Variants in RFX3 observed in about 807,000 individuals in gnomAD.
The protein encoded by RFX3 is transcription factor RFX3.
RFX3 carries 14 observed loss-of-function variants against 98.6 expected under a neutral mutation model. The observed-to-expected ratio is 0.14, with a 90% CI of 0.09 to 0.22. RFX3 has a LOEUF of 0.22. RFX3 is among the 10% of genes least tolerant of loss of function. The pLI, the probability that RFX3 is intolerant of heterozygous loss-of-function variation, is 1.00. For missense variants in RFX3, 639 were observed against 926.9 expected, an observed-to-expected ratio of 0.69 and a Z score of 4.03; for synonymous variants, 383 against 328.4, an observed-to-expected ratio of 1.17 and a Z score of -1.80.
chr9:3,330,347 CTGA>C lies in RFX3; in HGVS notation c.383_385del (p.Ile128del). ...GATCAGATAGGTTCCTCCAGAGCTGCTGATGAGTTGTCCTCCTGTGACGCCCAT... is the reference window on the plus strand; with the variant it reads ...GATCAGATAGGTTCCTCCAGAGCTGCTGAGTTGTCCTCCTGTGACGCCCAT... On this transcript the variant is annotated inframe_deletion, in exon 4 of 17. Coordinates refer to ENST00000617270, the MANE Select transcript of RFX3 (RefSeq NM_001282116.2). The C allele has an allele frequency of 6.2e-7, 1 of 1,614,166 alleles. No homozygotes were observed. The highest frequency in any genetic ancestry group is 8.5e-7 in the Non-Finnish European group (1 of 1,180,034).
chr9:3,411,706 G>A (rs945068101), intron 1 of RFX3, among the ~76,000 whole-genome samples: 2 of 151,580 alleles, frequency 1.3e-5, no homozygotes, highest in African/African-American at 4.8e-5. Flanking sequence ...GGCCAGGCTG[G>A]TCTAGAACTC....
rs1372297310 is a variant in RFX3 at position 3,343,314 on chromosome 9, T to C, written c.215+3353A>G. Among the ~76,000 whole-genome samples, 4 of 152,298 alleles carry C rather than the reference T, an allele frequency of 2.6e-5. No individual in the cohort carries two copies. In the East Asian group the frequency reaches 7.7e-4, roughly 29 times the overall value. ...GATAAAGATCAGAGTCCCTATCTTC[T>C]GGAAGTATCATTAGCAAAAAGCATT... On this transcript the variant is annotated intron_variant, in intron 3 of 16. Coordinates refer to ENST00000617270, the MANE Select transcript of RFX3 (RefSeq NM_001282116.2).
rs551541566 is a variant in RFX3 at position 3,515,120 on chromosome 9, T to C, written c.-9+10627A>G. On this transcript the variant is annotated intron_variant, in intron 1 of 16. Transcript: ENST00000617270. ...GCAAAAACATATATCCACAAAACCA[T>C]TTATCCAAAGCAAAACATAAAGAGG... Among the ~76,000 whole-genome samples, 20 of 152,260 alleles carry C rather than the reference T, an allele frequency of 1.3e-4. No individual in the cohort carries two copies. The South Asian group carries it at 4.1e-3, about 32-fold the overall frequency.
At chr9:3,487,969 A>G (rs1850412479) in intron 1 of RFX3, among the ~76,000 whole-genome samples, 1 of 152,160 alleles carries the variant, frequency 6.6e-6, no homozygotes, top group South Asian at 2.1e-4. Flanking sequence ...CACACAAAAG[A>G]GCTTTGTAAA....
At chr9:3,228,008 T>C (rs1441667536) in intron 16 of RFX3, among the ~76,000 whole-genome samples, 1 of 152,200 alleles carries the variant, frequency 6.6e-6, no homozygotes, top group Non-Finnish European at 1.5e-5. Context: ...GTGCATTTTG[T>C]ACCTGTCGCC....
At chr9:3,279,080 T>A (rs928209764) in intron 7 of RFX3, among the ~76,000 whole-genome samples, 1 of 149,040 alleles carries the variant, frequency 6.7e-6, no homozygotes, top group Non-Finnish European at 1.5e-5. Context: ...TTTTTCTGAT[T>A]TTTTTTTCCT....
chr9:3,522,942 A>C (rs1587931533), intron 1 of RFX3, among the ~76,000 whole-genome samples: 1 of 152,316 alleles, frequency 6.6e-6, no homozygotes, highest in Admixed American at 6.5e-5. Flanking sequence ...TTATTTGAGT[A>C]CCAAAGCAGA....
chr9:3,320,685 T>A (rs528859860), intron 4 of RFX3, among the ~76,000 whole-genome samples: 1 of 148,434 alleles, frequency 6.7e-6, no homozygotes, highest in Non-Finnish European at 1.5e-5. Context: ...TTCATATAAA[T>A]GTGTACATAT....
chr9:3,290,894 C>A (rs1827247116), intron 6 of RFX3, among the ~76,000 whole-genome samples: 1 of 152,158 alleles, frequency 6.6e-6, no homozygotes, highest in Admixed American at 6.5e-5. Context: ...AAGCGGGCCA[C>A]AGAAACCAGA....
chr9:3,305,810 A>T (rs1829235196), intron 4 of RFX3, among the ~76,000 whole-genome samples: 1 of 152,062 alleles, frequency 6.6e-6, no homozygotes, highest in Admixed American at 6.6e-5. Flanking sequence ...CTCATCAAAG[A>T]TTAAATTGAT....
chr9:3,291,007 A>G (rs1439506036), intron 6 of RFX3, among the ~76,000 whole-genome samples: 1 of 152,178 alleles, frequency 6.6e-6, no homozygotes, highest in Non-Finnish European at 1.5e-5. Context: ...GGGTCCTCCT[A>G]TACCTTGCAG....
intron 15 of RFX3, among the ~76,000 whole-genome samples, chr9:3,231,249 T>C (rs1818404842): frequency 2.0e-5 from 3 of 152,166 alleles, no homozygotes. Flanking sequence ...AAAAATCCTG[T>C]GAAGAAGAGA....
intron 3 of RFX3, among the ~76,000 whole-genome samples, chr9:3,340,280 G>C (rs1282143368): frequency 2.0e-5 from 3 of 152,244 alleles, no homozygotes; most frequent in African/African-American, 4.8e-5. Flanking sequence ...TTAAATGTTA[G>C]ACCTAAAACC....
chr9:3,413,902 G>A (rs1842668044), intron 1 of RFX3, among the ~76,000 whole-genome samples: 1 of 151,962 alleles, frequency 6.6e-6, no homozygotes. Context: ...CATGAAGAAT[G>A]GTAAGGCTAG....
chr9:3,251,133 G>A (rs1586740982), intron 14 of RFX3, among the ~76,000 whole-genome samples: 1 of 152,208 alleles, frequency 6.6e-6, no homozygotes, highest in East Asian at 1.9e-4. Context: ...GAAATAGTAT[G>A]AGGACGTTAA....
chr9:3,326,324 G>C (rs916163432), intron 4 of RFX3, among the ~76,000 whole-genome samples: 1 of 152,074 alleles, frequency 6.6e-6, no homozygotes, highest in African/African-American at 2.4e-5. Flanking sequence ...AACAAATGCT[G>C]ACTTTATAAA....
At chr9:3,482,560 G>A (rs1045469305) in intron 1 of RFX3, among the ~76,000 whole-genome samples, 1 of 152,188 alleles carries the variant, frequency 6.6e-6, no homozygotes, top group Non-Finnish European at 1.5e-5. Context: ...AACAGGTTCT[G>A]TGAACTTTGA....
chr9:3,255,233 T>C (rs536192768), intron 14 of RFX3, among the ~76,000 whole-genome samples: 1 of 152,312 alleles, frequency 6.6e-6, no homozygotes. Flanking sequence ...ACTACCATCA[T>C]AATTAAAAGA....
intron 15 of RFX3, among the ~76,000 whole-genome samples, chr9:3,234,000 C>A (rs1277940673): frequency 2.0e-5 from 3 of 152,196 alleles, no homozygotes. Flanking sequence ...TTGCATCTTA[C>A]AGAAAATCTC....
Sources: gnomAD v4.1 joint callset for allele counts (sites outside exome capture counted in the v4.1 genomes callset) on GRCh38, gnomAD v4.1.1 for gene constraint, MANE v1.5 for transcripts, NCBI Gene and HGNC (gene_info 2026-07-23, HGNC 2026-07-21) for gene names.